Variants in SRBD1 observed in about 807,000 individuals in gnomAD.
SRBD1 encodes S1 RNA binding domain 1, also known as S1 RNA-binding domain-containing protein 1.
Under a neutral mutation model 115.3 loss-of-function variants are expected in SRBD1, and 88 were observed. That is an observed-to-expected ratio of 0.76 (90% CI 0.64 to 0.91). The LOEUF (loss-of-function observed/expected upper bound fraction) is 0.91, where lower values mean the gene tolerates loss of function less well. Among genes scored for constraint, SRBD1 ranks in the 40% least tolerant of loss-of-function variants. The probability of loss-of-function intolerance (pLI) is 0.00; values close to 1 mark genes in which losing one functional copy is unlikely to be tolerated. For synonymous variants in SRBD1, 509 were observed against 407.7 expected (o/e 1.25, Z -2.99); for missense variants, 1,385 against 1,177.4 (o/e 1.18, Z -2.58).
chr2:45,577,093 A>G (rs1184028752), intron 7 of SRBD1, among the ~76,000 whole-genome samples: 1 of 152,256 alleles, frequency 6.6e-6, no homozygotes. Flanking sequence ...TACTCATTCA[A>G]CTTTAAAAAA....
intron 16 of SRBD1, among the ~76,000 whole-genome samples, chr2:45,440,483 T>A (rs189509113): frequency 6.6e-6 from 1 of 152,156 alleles, no homozygotes; most frequent in African/African-American, 2.4e-5. Context: ...AAGAAAACAT[T>A]AGTATATCTG....
chr2:45,398,614 T>C (rs982378238), intron 19 of SRBD1, among the ~76,000 whole-genome samples: 4 of 152,210 alleles, frequency 2.6e-5, no homozygotes, highest in Admixed American at 2.6e-4. Flanking sequence ...TTAAAATTTC[T>C]ATTACTTAGC....
chr2:45,456,692 G>A (rs1445709543), intron 16 of SRBD1, among the ~76,000 whole-genome samples: 2 of 151,680 alleles, frequency 1.3e-5, no homozygotes, highest in African/African-American at 4.8e-5. Context: ...TTTCATTTAA[G>A]GTCTTCTAAA....
intron 18 of SRBD1, among the ~76,000 whole-genome samples, chr2:45,414,583 G>C (rs1476113): frequency 1.5e-4 from 20 of 137,426 alleles, no homozygotes; most frequent in African/African-American, 4.8e-4. Context: ...TGTGTATATA[G>C]TGTGTGTGTA....
At chr2:45,549,696 C>CAAA (rs10646755) in intron 12 of SRBD1, among the ~76,000 whole-genome samples, 37,723 of 84,232 alleles carry the variant, frequency 0.45, 7,765 homozygotes, top group Non-Finnish European at 0.49. Flanking sequence ...ACTAAAAATA[C>CAAA]AAAAAAAAAA....
In SRBD1 at chr2:45,527,774, T is replaced by C. The variant is rs74808227; in HGVS notation, c.1874+18958A>G. Among the ~76,000 whole-genome samples the C allele has an allele frequency of 1.2e-3, 179 of 151,970 alleles. 1 individual carries two copies. Among genetic ancestry groups the C allele is most frequent in the African/African-American group, 4.2e-3 (174 of 41,538 alleles). ...GCACAGTCACCATGGTAGTAAAGGA[T>C]GAAGCTATAATTTGAACCTGGTTCC... On this transcript the variant is annotated intron_variant, in intron 14 of 20. Coordinates refer to ENST00000263736, the MANE Select transcript of SRBD1 (RefSeq NM_018079.5).
At chr2:45,532,337 G>C (rs1470640352) in intron 14 of SRBD1, among the ~76,000 whole-genome samples, 1 of 151,784 alleles carries the variant, frequency 6.6e-6, no homozygotes, top group Non-Finnish European at 1.5e-5. Flanking sequence ...TACTTTAAAA[G>C]GCGCTTTGAT....
chr2:45,552,332 T>C (rs951063637), intron 11 of SRBD1, among the ~76,000 whole-genome samples: 3 of 152,224 alleles, frequency 2.0e-5, no homozygotes, highest in African/African-American at 4.8e-5. Flanking sequence ...AAATAAGTTA[T>C]ATTATTTTAA....
chr2:45,414,495 TATAGTGTGTGTGTACACAC>T (rs1355294584), intron 18 of SRBD1, among the ~76,000 whole-genome samples: 2 of 151,398 alleles, frequency 1.3e-5, no homozygotes, highest in East Asian at 1.9e-4. Flanking sequence ...ACAGTGTGTA[TATAGTGTGTGTGTACACAC>T]ATAGTGTGTA....
intron 19 of SRBD1, among the ~76,000 whole-genome samples, chr2:45,402,292 C>T (rs1274870753): frequency 6.6e-6 from 1 of 152,140 alleles, no homozygotes; most frequent in Non-Finnish European, 1.5e-5. Context: ...CACTGTTTGG[C>T]TTTTGTACAG....
intron 16 of SRBD1, among the ~76,000 whole-genome samples, chr2:45,432,779 A>G (rs1668379006): frequency 1.3e-5 from 2 of 152,214 alleles, no homozygotes; most frequent in Admixed American, 1.3e-4. Flanking sequence ...CTGGGACATT[A>G]TATTTTTATT....
intron 19 of SRBD1, among the ~76,000 whole-genome samples, chr2:45,408,043 T>C (rs979325763): frequency 6.6e-6 from 1 of 152,192 alleles, no homozygotes; most frequent in Non-Finnish European, 1.5e-5. Flanking sequence ...GATGTATTTA[T>C]GTGGGTGATA....
intron 16 of SRBD1, among the ~76,000 whole-genome samples, chr2:45,445,425 A>T (rs1668790988): frequency 6.6e-6 from 1 of 151,896 alleles, no homozygotes; most frequent in Non-Finnish European, 1.5e-5. Flanking sequence ...GGGGAGTCAC[A>T]TGGGGGCACA....
intron 19 of SRBD1, among the ~76,000 whole-genome samples, chr2:45,399,941 C>A (rs1362139326): frequency 6.6e-6 from 1 of 152,116 alleles, no homozygotes; most frequent in Non-Finnish European, 1.5e-5. Flanking sequence ...TAAAAACATA[C>A]AGGCTCATGG....
intron 14 of SRBD1, among the ~76,000 whole-genome samples, chr2:45,531,140 A>T (rs571684144): frequency 4.6e-5 from 7 of 151,864 alleles, no homozygotes; most frequent in Admixed American, 3.3e-4. Context: ...GCTTTCCTTG[A>T]AAAGAAAAGG....
intron 16 of SRBD1, among the ~76,000 whole-genome samples, chr2:45,434,705 G>A (rs1325177342): frequency 6.6e-6 from 1 of 151,974 alleles, no homozygotes; most frequent in Non-Finnish European, 1.5e-5. Flanking sequence ...AGGTGTTTAT[G>A]TCAGCAAGAT....
chr2:45,472,360 G>C (rs1191622934), intron 16 of SRBD1, among the ~76,000 whole-genome samples: 1 of 152,108 alleles, frequency 6.6e-6, no homozygotes, highest in African/African-American at 2.4e-5. Flanking sequence ...TTCTTTTTGG[G>C]GTGATAAAAA....
chr2:45,458,269 T>C (rs567586485), intron 16 of SRBD1, among the ~76,000 whole-genome samples: 7 of 152,198 alleles, frequency 4.6e-5, no homozygotes, highest in African/African-American at 1.7e-4. Flanking sequence ...CTGAGCGTGA[T>C]TAGAAAACAT....
intron 16 of SRBD1, among the ~76,000 whole-genome samples, chr2:45,440,403 C>G (rs1668628836): frequency 1.3e-5 from 2 of 152,160 alleles, no homozygotes; most frequent in African/African-American, 4.8e-5. Flanking sequence ...GTTCATAAAT[C>G]CTAAATGTCT....
Sources: allele counts gnomAD v4.1 joint callset (sites outside exome capture counted in the v4.1 genomes callset), GRCh38; gene constraint gnomAD v4.1.1; transcripts MANE v1.5; gene names NCBI Gene and HGNC (gene_info 2026-07-23, HGNC 2026-07-21).